SDHAF3: variants seen among roughly 807,000 people sequenced by gnomAD.
SDHAF3 encodes succinate dehydrogenase assembly factor 3, mitochondrial.
A neutral mutation model predicts 11.5 loss-of-function variants in SDHAF3; 18 were observed. The ratio of observed to expected loss-of-function variants is 1.56; its 90% CI spans 1.08 to 2.32. The LOEUF (loss-of-function observed/expected upper bound fraction) is 2.32, where lower values mean the gene tolerates loss of function less well. Ranked by LOEUF, SDHAF3 falls within the 30% of genes most tolerant of loss-of-function variation. The probability of loss-of-function intolerance (pLI) is 0.00; values close to 1 mark genes in which losing one functional copy is unlikely to be tolerated. For missense variants in SDHAF3, 200 were observed against 154.4 expected (o/e 1.30, Z -1.57); for synonymous variants, 72 against 59.3 (o/e 1.21, Z -0.99).
intron 1 of SDHAF3, among the ~76,000 whole-genome samples, chr7:97,180,804 T>C (rs1789758945): frequency 6.6e-6 from 1 of 152,188 alleles, no homozygotes; most frequent in African/African-American, 2.4e-5. Flanking sequence ...TGCTAAAAGT[T>C]GGTTAAAACA....
intron 1 of SDHAF3, among the ~76,000 whole-genome samples, chr7:97,126,479 T>C (rs538412421): frequency 8.5e-4 from 130 of 152,272 alleles, no homozygotes; most frequent in African/African-American, 2.0e-3. Flanking sequence ...AAGCCCCTGA[T>C]TGGGGCTGCT....
chr7:97,156,583 T>C (rs1013421605), intron 1 of SDHAF3, among the ~76,000 whole-genome samples: 3 of 152,124 alleles, frequency 2.0e-5, no homozygotes, highest in African/African-American at 4.8e-5. Flanking sequence ...AACTGACATA[T>C]CAAACTGTAG....
intron 1 of SDHAF3, among the ~76,000 whole-genome samples, chr7:97,176,811 T>C (rs1489027860): frequency 2.0e-5 from 3 of 152,154 alleles, no homozygotes; most frequent in Non-Finnish European, 4.4e-5. Flanking sequence ...TCTGAAATTA[T>C]GCACAAAGTT....
chr7:97,180,068 C>T (rs1035645608), intron 1 of SDHAF3, among the ~76,000 whole-genome samples: 5 of 152,158 alleles, frequency 3.3e-5, no homozygotes, highest in African/African-American at 9.7e-5. Context: ...AAAACAGTGG[C>T]ACTTGTGCAG....
At chr7:97,152,369 G>C (rs1389881824) in intron 1 of SDHAF3, among the ~76,000 whole-genome samples, 1 of 152,206 alleles carries the variant, frequency 6.6e-6, no homozygotes, top group Non-Finnish European at 1.5e-5. Flanking sequence ...CTAGGGAATG[G>C]GAAATGCTGA....
chr7:97,125,511 C>T (rs982567201), intron 1 of SDHAF3, among the ~76,000 whole-genome samples: 1 of 152,190 alleles, frequency 6.6e-6, no homozygotes, highest in African/African-American at 2.4e-5. Context: ...TCCCATATTT[C>T]TTGGAGTCTT....
At chr7:97,152,892 A>G (rs937552626) in intron 1 of SDHAF3, among the ~76,000 whole-genome samples, 29 of 152,070 alleles carry the variant, frequency 1.9e-4, no homozygotes, top group African/African-American at 6.8e-4. Flanking sequence ...ACCTCAAGCA[A>G]TGGTCTCCCG....
chr7:97,132,519 T>C (rs574579773), intron 1 of SDHAF3, among the ~76,000 whole-genome samples: 1 of 152,346 alleles, frequency 6.6e-6, no homozygotes, highest in East Asian at 1.9e-4. Context: ...TGTTAAGCAA[T>C]GTGAATAATC....
intron 1 of SDHAF3, among the ~76,000 whole-genome samples, chr7:97,125,943 G>A (rs1584208015): frequency 6.6e-6 from 1 of 152,216 alleles, no homozygotes; most frequent in African/African-American, 2.4e-5. Flanking sequence ...CAGCATTTTT[G>A]TGCTGGTGTT....
chr7:97,180,757 A>G (rs775269100), intron 1 of SDHAF3, among the ~76,000 whole-genome samples: 11 of 152,138 alleles, frequency 7.2e-5, no homozygotes, highest in Non-Finnish European at 1.3e-4. Flanking sequence ...CCATCCAGGG[A>G]CTCACCACTC....
At chr7:97,152,885 T>A (rs1789246988) in intron 1 of SDHAF3, among the ~76,000 whole-genome samples, 1 of 152,112 alleles carries the variant, frequency 6.6e-6, no homozygotes, top group Non-Finnish European at 1.5e-5. Context: ...ACTCCTGACC[T>A]CAAGCAATGG....
chr7:97,178,702 G>A (rs1046597345), intron 1 of SDHAF3, among the ~76,000 whole-genome samples: 2 of 151,858 alleles, frequency 1.3e-5, no homozygotes, highest in Non-Finnish European at 2.9e-5. Flanking sequence ...TTTTAAATTG[G>A]GCTATTTGTC....
intron 1 of SDHAF3, among the ~76,000 whole-genome samples, chr7:97,142,147 G>A (rs370502963): frequency 6.2e-4 from 84 of 135,554 alleles, no homozygotes; most frequent in African/African-American, 2.2e-3. Flanking sequence ...TCTGCCTCCC[G>A]AGTTCAAGCA....
intron 1 of SDHAF3, among the ~76,000 whole-genome samples, chr7:97,144,128 A>G (rs1002747501): frequency 1.3e-5 from 2 of 151,854 alleles, no homozygotes; most frequent in Non-Finnish European, 2.9e-5. Flanking sequence ...GGCCTTTTGT[A>G]TATCTTCTTT....
chr7:97,132,094 A>G (rs891376845), intron 1 of SDHAF3, among the ~76,000 whole-genome samples: 2 of 152,196 alleles, frequency 1.3e-5, no homozygotes, highest in Non-Finnish European at 2.9e-5. Flanking sequence ...TAGTAATTAT[A>G]AGAAAGTTAT....
chr7:97,133,972 TA>T (rs1257782175), intron 1 of SDHAF3, among the ~76,000 whole-genome samples: 6 of 152,234 alleles, frequency 3.9e-5, no homozygotes, highest in African/African-American at 1.4e-4. Flanking sequence ...TGTCATAGGT[TA>T]AGTAGGAACA....
At position 97,181,079 on chromosome 7, in the gene SDHAF3, T is replaced by G. The variant is rs777937049; in HGVS notation, c.242T>G (p.Phe81Cys). The G allele has an allele frequency of 1.2e-5, 20 of 1,613,954 alleles. No individual in the cohort carries two copies. Among genetic ancestry groups the G allele is most frequent in the Non-Finnish European group, 1.5e-5 (18 of 1,179,966 alleles). Residue 81 changes from phenylalanine (F) to cysteine (C), a missense_variant, in exon 2 of 2, where the codon TTT becomes TGT. Transcript: ENST00000432641. ...NRQNSTGKAC[F>C]GTFLPEEKLN... ...CAAAATTCAACTGGAAAAGCATGTTTTGGCACCTTCCTCCCAGAAGAAAAA... is the reference window on the plus strand; with the variant it reads ...CAAAATTCAACTGGAAAAGCATGTTGTGGCACCTTCCTCCCAGAAGAAAAA...
intron 1 of SDHAF3, among the ~76,000 whole-genome samples, chr7:97,151,543 G>T (rs536261894): frequency 4.1e-5 from 6 of 148,014 alleles, no homozygotes; most frequent in Non-Finnish European, 7.4e-5. Context: ...CTGTCCCCCA[G>T]GCTGGAGTGC....
intron 1 of SDHAF3, among the ~76,000 whole-genome samples, chr7:97,174,451 G>C (rs999234025): frequency 6.6e-6 from 1 of 152,150 alleles, no homozygotes; most frequent in Non-Finnish European, 1.5e-5. Flanking sequence ...TTAAACTACA[G>C]AGTATATTCA....
Sources: allele counts gnomAD v4.1 joint callset (sites outside exome capture counted in the v4.1 genomes callset), GRCh38; gene constraint gnomAD v4.1.1; transcripts MANE v1.5; gene names NCBI Gene and HGNC (gene_info 2026-07-23, HGNC 2026-07-21).